The following MDGA2 variants were observed in gnomAD, a reference collection of about 807,000 sequenced individuals.
MDGA2 encodes the protein MAM domain-containing glycosylphosphatidylinositol anchor protein 2.
MDGA2 carries 40 observed loss-of-function variants against 117.8 expected under a neutral mutation model. The ratio of observed to expected loss-of-function variants is 0.34; its 90% CI spans 0.26 to 0.44. The LOEUF (loss-of-function observed/expected upper bound fraction) is 0.44. MDGA2 is among the 20% of genes least tolerant of loss of function. MDGA2 has a pLI of 1.00. For missense variants in MDGA2, 1,123 were observed against 1,250.6 expected, an observed-to-expected ratio of 0.90 and a Z score of 1.54; for synonymous variants, 452 against 439.0, an observed-to-expected ratio of 1.03 and a Z score of -0.37.
chr14:46,845,459 T>C (rs1179785783), intron 16 of MDGA2, among the ~76,000 whole-genome samples: 2 of 152,204 alleles, frequency 1.3e-5, no homozygotes, highest in Non-Finnish European at 2.9e-5. Flanking sequence ...TTAATACAAG[T>C]TTTTAAATCT....
At chr14:47,221,678 A>G in intron 2 of MDGA2, among the ~76,000 whole-genome samples, 1 of 107,168 alleles carries the variant, frequency 9.3e-6, no homozygotes, top group East Asian at 2.6e-4. Context: ...ACAGAGCGAG[A>G]CTCTATCTCA....
intron 1 of MDGA2, among the ~76,000 whole-genome samples, chr14:47,669,389 G>C (rs1217088235): frequency 6.6e-6 from 1 of 152,020 alleles, no homozygotes; most frequent in Non-Finnish European, 1.5e-5. Flanking sequence ...CTAAACTCTG[G>C]CACTCTCACT....
chr14:46,994,896 T>C (rs1380293137), intron 8 of MDGA2, among the ~76,000 whole-genome samples: 1 of 152,180 alleles, frequency 6.6e-6, no homozygotes, highest in African/African-American at 2.4e-5. Flanking sequence ...GGATAGCTCC[T>C]TTAATCAGTT....
At chr14:47,337,341 A>G (rs1479446200) in intron 1 of MDGA2, among the ~76,000 whole-genome samples, 2 of 152,082 alleles carry the variant, frequency 1.3e-5, no homozygotes, top group Non-Finnish European at 2.9e-5. Flanking sequence ...TGACAGATCA[A>G]AAGCCTAAGA....
In MDGA2 at chr14:47,520,426, T is replaced by A. The variant is rs76788971; in HGVS notation, c.280+154091A>T. Among the ~76,000 whole-genome samples the A allele has an allele frequency of 4.2e-4, 64 of 152,262 alleles. No individual in the cohort carries two copies. The East Asian group carries it at 0.012, about 28-fold the overall frequency. ...CTACAAGCAACTCATGAGATTAATT[T>A]CCCAGAAGAGGCTGATGTCAATGAT... On this transcript the variant is annotated intron_variant, in intron 1 of 16. Transcript: ENST00000399232.
intron 1 of MDGA2, among the ~76,000 whole-genome samples, chr14:47,312,698 G>GTTT (rs10688219): frequency 3.7e-5 from 5 of 133,720 alleles, no homozygotes; most frequent in East Asian, 2.3e-4. Flanking sequence ...GTTTTGTTTT[G>GTTT]TTTTTTTTTT....
At chr14:47,307,647 C>T (rs1435594149) in intron 1 of MDGA2, among the ~76,000 whole-genome samples, 1 of 151,402 alleles carries the variant, frequency 6.6e-6, no homozygotes, top group Non-Finnish European at 1.5e-5. Context: ...GAGATCTTGT[C>T]ACTGCACTCC....
intron 1 of MDGA2, among the ~76,000 whole-genome samples, chr14:47,563,097 A>G (rs1324658391): frequency 6.6e-6 from 1 of 151,930 alleles, no homozygotes; most frequent in Non-Finnish European, 1.5e-5. Context: ...GTCTGAAAGC[A>G]TGGTTGGTAT....
At chr14:47,670,989 C>T (rs1898064600) in intron 1 of MDGA2, among the ~76,000 whole-genome samples, 1 of 151,952 alleles carries the variant, frequency 6.6e-6, no homozygotes, top group Admixed American at 6.6e-5. Context: ...TTGTGCTATT[C>T]TATTATGAAG....
intron 6 of MDGA2, among the ~76,000 whole-genome samples, chr14:47,063,852 C>CACACAAAACTGAGATG (rs1889983056): frequency 6.6e-6 from 1 of 151,902 alleles, no homozygotes; most frequent in Non-Finnish European, 1.5e-5. Flanking sequence ...TATGTAAACA[C>CACACAAAACTGAGATG]ACACAAAACT....
intron 1 of MDGA2, among the ~76,000 whole-genome samples, chr14:47,355,292 C>T (rs780014135): frequency 9.9e-5 from 15 of 152,130 alleles, no homozygotes; most frequent in Admixed American, 2.6e-4. Context: ...ACCTCTCTCC[C>T]GGAGAAAGGC....
chr14:47,289,389 GATCA>G (rs1216417555), intron 2 of MDGA2, among the ~76,000 whole-genome samples: 4 of 146,278 alleles, frequency 2.7e-5, no homozygotes, highest in Non-Finnish European at 6.0e-5. Context: ...TCATATACTA[GATCA>G]ATTAATTTGA....
chr14:47,552,078 T>C (rs1393358546), intron 1 of MDGA2, among the ~76,000 whole-genome samples: 2 of 152,344 alleles, frequency 1.3e-5, no homozygotes, highest in Non-Finnish European at 1.5e-5. Context: ...TCAACTTTTC[T>C]AGTTTTCTTT....
intron 1 of MDGA2, among the ~76,000 whole-genome samples, chr14:47,442,276 G>C (rs1221078161): frequency 6.6e-6 from 1 of 152,120 alleles, no homozygotes; most frequent in Non-Finnish European, 1.5e-5. Flanking sequence ...TAGTGTTCCA[G>C]ATGGTACAGA....
At chr14:47,327,358 C>T (rs776561504) in intron 1 of MDGA2, among the ~76,000 whole-genome samples, 17 of 152,082 alleles carry the variant, frequency 1.1e-4, no homozygotes, top group African/African-American at 4.1e-4. Flanking sequence ...ATTTGTGTGC[C>T]TTTATATATA....
In MDGA2 at chr14:47,530,632, C is replaced by T. The variant is rs181156896; in HGVS notation, c.280+143885G>A. On this transcript the variant is annotated intron_variant, in intron 1 of 16. Transcript: ENST00000399232. ...AATGCCGGTATACCAAGTGCATTGGCGGCATCGCAGGACCAGAAGGCAGTG... is the reference window on the plus strand; with the variant it reads ...AATGCCGGTATACCAAGTGCATTGGTGGCATCGCAGGACCAGAAGGCAGTG... 1.9e-3 allele frequency among the ~76,000 whole-genome samples: 290 copies of T among 152,170 alleles called. 3 individuals carry two copies. Among genetic ancestry groups the T allele is most frequent in the African/African-American group, 6.7e-3 (278 of 41,512 alleles).
At chr14:46,970,226 A>C (rs1886212060) in intron 8 of MDGA2, among the ~76,000 whole-genome samples, 1 of 152,064 alleles carries the variant, frequency 6.6e-6, no homozygotes, top group Admixed American at 6.6e-5. Flanking sequence ...AAACCAAAAA[A>C]GAGCCAGAAT....
intron 1 of MDGA2, among the ~76,000 whole-genome samples, chr14:47,430,775 T>G (rs1458785596): frequency 6.6e-6 from 1 of 152,128 alleles, no homozygotes; most frequent in Non-Finnish European, 1.5e-5. Context: ...CATTTAAATA[T>G]TGACAGTACA....
intron 6 of MDGA2, among the ~76,000 whole-genome samples, chr14:47,062,134 A>G (rs1889906981): frequency 6.6e-6 from 1 of 152,054 alleles, no homozygotes; most frequent in Non-Finnish European, 1.5e-5. Context: ...TATTGAAATA[A>G]TCTGAACTGA....
Sources: gnomAD v4.1 joint callset for allele counts (sites outside exome capture counted in the v4.1 genomes callset) on GRCh38, gnomAD v4.1.1 for gene constraint, MANE v1.5 for transcripts, NCBI Gene and HGNC (gene_info 2026-07-23, HGNC 2026-07-21) for gene names.